Variants in CAMTA1 observed in about 807,000 individuals in gnomAD.
The protein encoded by CAMTA1 is calmodulin-binding transcription activator 1.
CAMTA1 carries 27 observed loss-of-function variants against 170.9 expected under a neutral mutation model. The ratio of observed to expected loss-of-function variants is 0.16; its 90% CI spans 0.12 to 0.22. The LOEUF (loss-of-function observed/expected upper bound fraction) is 0.22. Ranked by LOEUF, CAMTA1 falls within the 10% of genes least tolerant of loss-of-function variation. CAMTA1 has a pLI of 1.00. For missense variants in CAMTA1, 1,619 were observed against 2,217.2 expected, an observed-to-expected ratio of 0.73 and a Z score of 5.42; for synonymous variants, 833 against 891.5, an observed-to-expected ratio of 0.93 and a Z score of 1.17.
intron 3 of CAMTA1, among the ~76,000 whole-genome samples, chr1:6,842,931 A>G (rs1656472548): frequency 6.6e-6 from 1 of 152,196 alleles, no homozygotes; most frequent in South Asian, 2.1e-4. Flanking sequence ...TCTCAAAAAA[A>G]AAAAAGAAGG....
intron 5 of CAMTA1, among the ~76,000 whole-genome samples, chr1:7,422,933 A>G (rs79482135): frequency 1.1e-3 from 173 of 152,376 alleles, no homozygotes; most frequent in African/African-American, 4.1e-3. Context: ...ACTGCAATGA[A>G]CACCTTTCCC....
intron 3 of CAMTA1, among the ~76,000 whole-genome samples, chr1:6,954,133 T>A (rs1025623901): frequency 6.6e-6 from 1 of 152,198 alleles, no homozygotes; most frequent in Non-Finnish European, 1.5e-5. Flanking sequence ...GTGTTGCTTT[T>A]GCCAGCCAGC....
chr1:6,930,409 C>T (rs777873485), intron 3 of CAMTA1, among the ~76,000 whole-genome samples: 9 of 152,200 alleles, frequency 5.9e-5, no homozygotes, highest in Non-Finnish European at 1.2e-4. Context: ...GGAGCCCACT[C>T]TGTCTTTCTG....
Position 7,711,245 on chromosome 1 carries a change from C to T in CAMTA1, c.2915-21203C>T, listed in dbSNP as rs575027891. 1.1e-4 allele frequency among the ~76,000 whole-genome samples: 16 copies of T among 152,214 alleles called. No individual in the cohort carries two copies. In the South Asian group the frequency reaches 1.2e-3, roughly 12 times the overall value. The stretch of plus-strand genomic sequence containing the variant: ...TTTATAAGGGCACCCATATATAATC[C>T]CATTCATGAAGGCTGTACTCTCAAG... On this transcript the variant is annotated intron_variant, in intron 11 of 22. Coordinates refer to ENST00000303635, the MANE Select transcript of CAMTA1 (RefSeq NM_015215.4).
chr1:7,502,601 C>G (rs1229915879), intron 6 of CAMTA1, among the ~76,000 whole-genome samples: 2 of 152,156 alleles, frequency 1.3e-5, no homozygotes, highest in Non-Finnish European at 2.9e-5. Context: ...CAAGAAGGAG[C>G]AGGATTGCTT....
At chr1:6,800,994 C>T (rs922182893) in intron 1 of CAMTA1, among the ~76,000 whole-genome samples, 7 of 152,264 alleles carry the variant, frequency 4.6e-5, no homozygotes, top group Admixed American at 3.3e-4. Context: ...AAAGTTTCTT[C>T]CTCATTTGGT....
At chr1:7,112,128 C>T (rs1178661581) in intron 4 of CAMTA1, among the ~76,000 whole-genome samples, 2 of 151,944 alleles carry the variant, frequency 1.3e-5, no homozygotes, top group East Asian at 1.9e-4. Context: ...TGTGGGTCGC[C>T]GGTGCATTTG....
At chr1:7,549,431 A>T (rs1288325604) in intron 6 of CAMTA1, among the ~76,000 whole-genome samples, 1 of 152,054 alleles carries the variant, frequency 6.6e-6, no homozygotes, top group Non-Finnish European at 1.5e-5. Context: ...CACCTCCCTC[A>T]TCCTTATTCC....
intron 4 of CAMTA1, among the ~76,000 whole-genome samples, chr1:7,145,060 AGGGAGT>A (rs1646104418): frequency 6.6e-6 from 1 of 152,174 alleles, no homozygotes; most frequent in African/African-American, 2.4e-5. Context: ...GGGGGAAGTA[AGGGAGT>A]GAGGTTCAAT....
At chr1:7,537,526 A>G (rs892735189) in intron 6 of CAMTA1, among the ~76,000 whole-genome samples, 1 of 152,066 alleles carries the variant, frequency 6.6e-6, no homozygotes, top group Non-Finnish European at 1.5e-5. Context: ...TCAGGCTGCC[A>G]CCAGCTGGAA....
intron 4 of CAMTA1, among the ~76,000 whole-genome samples, chr1:7,192,564 C>T (rs1196226303): frequency 6.6e-6 from 1 of 152,212 alleles, no homozygotes; most frequent in African/African-American, 2.4e-5. Context: ...TTGGATGGAA[C>T]TGTCTGTGCT....
At chr1:7,662,798 G>A (rs870283) in intron 8 of CAMTA1, among the ~76,000 whole-genome samples, 46,304 of 151,950 alleles carry the variant, frequency 0.3, 8,057 homozygotes, top group Non-Finnish European at 0.39. Flanking sequence ...TTTGGTCCTG[G>A]GGCCTGAGAG....
intron 5 of CAMTA1, among the ~76,000 whole-genome samples, chr1:7,417,192 G>T (rs1289986270): frequency 1.3e-5 from 2 of 152,158 alleles, no homozygotes; most frequent in African/African-American, 2.4e-5. Context: ...CCCTACTGGG[G>T]GGTGCCTCCC....
Position 7,050,168 on chromosome 1 carries a change from A to G in CAMTA1, c.235-41136A>G, listed in dbSNP as rs1297100429. Among the ~76,000 whole-genome samples, 1 of 152,154 alleles carries G rather than the reference A, an allele frequency of 6.6e-6. No homozygotes were observed. The highest frequency in any genetic ancestry group is 1.5e-5 in the Non-Finnish European group (1 of 68,014). On this transcript the variant is annotated intron_variant, in intron 3 of 22. Transcript: ENST00000303635. The surrounding 1 kb of genome is among the most constrained non-coding windows in gnomAD (Gnocchi z 4.8). ...ACGTGGAAGGAGGTGAGGCCGGGGA[A>G]GTGACCGGCAGGGCCACGGAGGACT...
chr1:7,270,291 ATTT>A lies in CAMTA1; in HGVS notation c.438+20678_438+20680del, dbSNP rs34768255. On this transcript the variant is annotated intron_variant, in intron 5 of 22. Transcript: ENST00000303635. The stretch of plus-strand genomic sequence containing the variant: ...CACACACACATATATATATATATAT[ATTT>A]TTTTTTTTTTTTCTTGTGAGATGGA... Among the ~76,000 whole-genome samples, 204 of 110,540 alleles carry A rather than the reference ATTT, an allele frequency of 1.8e-3. 4 individuals are homozygous for A. The highest frequency in any genetic ancestry group is 4.6e-3 in the Middle Eastern group (1 of 218). The allele number at this position is 110,540 out of a possible 152,430, so 72.5% of individuals were successfully genotyped here. A position where few individuals can be genotyped will look rare whatever the true frequency, so the allele number is the denominator to read the frequency against.
chr1:7,703,537 G>A (rs1191788987), intron 11 of CAMTA1, among the ~76,000 whole-genome samples: 1 of 152,162 alleles, frequency 6.6e-6, no homozygotes, highest in African/African-American at 2.4e-5. Flanking sequence ...CTCATTGGGT[G>A]TACAGGCTTA....
intron 5 of CAMTA1, among the ~76,000 whole-genome samples, chr1:7,394,811 T>TTGTGTGTGTG (rs61154098): frequency 3.4e-5 from 5 of 147,456 alleles, no homozygotes; most frequent in African/African-American, 1.3e-4. Context: ...TTTCTTGTAG[T>TTGTGTGTGTG]TGTGTGTGTG....
chr1:7,672,099 A>G (rs1261433480), intron 10 of CAMTA1: 1 of 455,528 alleles, frequency 2.2e-6, no homozygotes, highest in Non-Finnish European at 4.4e-6. Flanking sequence ...CATAAACAGG[A>G]GGGGGGTAAG....
chr1:7,424,915 T>C (rs2091791560), intron 5 of CAMTA1, among the ~76,000 whole-genome samples: 1 of 152,038 alleles, frequency 6.6e-6, no homozygotes, highest in Non-Finnish European at 1.5e-5. Flanking sequence ...CGCTGTCTTC[T>C]AGCCAGCAGT....
Sources: gnomAD v4.1 joint callset for allele counts (sites outside exome capture counted in the v4.1 genomes callset) on GRCh38, gnomAD v4.1.1 for gene constraint, Gnocchi (gnomAD v3.1) non-coding constraint, MANE v1.5 for transcripts, NCBI Gene and HGNC (gene_info 2026-07-23, HGNC 2026-07-21) for gene names.